Variants in CNGB3 observed in about 807,000 individuals in gnomAD.
The protein encoded by CNGB3 is cyclic nucleotide gated channel subunit beta 3, also known as cyclic nucleotide-gated channel beta-3.
CNGB3 carries 86 observed loss-of-function variants against 92.8 expected under a neutral mutation model. The observed-to-expected ratio is 0.93, with a 90% confidence interval of 0.78 to 1.11. The LOEUF is 1.11. Ranked by LOEUF, CNGB3 falls within the 50% of genes least tolerant of loss-of-function variation. CNGB3 has a pLI of 0.00. For missense variants in CNGB3, 1,026 were observed against 956.8 expected (o/e 1.07, Z -0.95); for synonymous variants, 333 against 332.7 (o/e 1.00, Z -0.01).
In CNGB3 at chr8:86,647,870, T is replaced by C; in HGVS notation, c.921A>G (p.Ile307Met). The change falls in exon 8 of 18, where the codon ATA (isoleucine) becomes ATG (methionine). Residue 307 changes from isoleucine (I) to methionine (M), a missense_variant. Coordinates refer to ENST00000320005, the MANE Select transcript of CNGB3 (RefSeq NM_019098.5). ...STKFQLDVAS[I>M]IPFDICYLFF... ...AGAGGTAGCAAATATCAAATGGTAT[T>C]ATTGATGCGACATCCAACTGTTGAA... The C allele has an allele frequency of 6.3e-7, 1 of 1,595,114 alleles. No individual in the cohort carries two copies. The highest frequency in any genetic ancestry group is 8.6e-7 in the Non-Finnish European group (1 of 1,163,564).
At position 86,578,868 on chromosome 8, in the gene CNGB3, G is replaced by T. The variant is rs1821708860; in HGVS notation, c.1929-5C>A. 1 of 1,614,108 alleles carries T rather than the reference G, an allele frequency of 6.2e-7. No homozygotes were observed. Among genetic ancestry groups the T allele is most frequent in the Non-Finnish European group, 8.5e-7 (1 of 1,180,010 alleles). ...GCCTTCTGCTTTAAAAGCACTCTGT[G>T]GGTAAGAGAGAAAAGCTGTTTTAGG... is the stretch of plus-strand genomic sequence containing the variant. On this transcript the variant is annotated splice_region_variant and splice_polypyrimidine_tract_variant and intron_variant, in intron 16 of 17. Coordinates refer to ENST00000320005, the MANE Select transcript of CNGB3 (RefSeq NM_019098.5).
intron 3 of CNGB3, among the ~76,000 whole-genome samples, chr8:86,688,621 G>T (rs1824235572): frequency 6.6e-6 from 1 of 151,944 alleles, no homozygotes; most frequent in South Asian, 2.1e-4. Context: ...CCTCACAGCA[G>T]CCTTTAATGA....
rs138601461 is a variant in CNGB3, at chr8:86,608,562, A to C, written c.1662+3026T>G. Among the ~76,000 whole-genome samples the C allele has an allele frequency of 5.8e-3, 878 of 152,328 alleles. 6 individuals are homozygous for C. Among genetic ancestry groups the C allele is most frequent in the African/African-American group, 0.02 (820 of 41,582 alleles). On this transcript the variant is annotated intron_variant, in intron 14 of 17. Transcript: ENST00000320005. Reference sequence around the variant, plus strand: ...CTCACCCGCAGTTATCCGGAGGCCTAACCGTCTCCCTGTGATGCTGTGCTT... The same window carrying C: ...CTCACCCGCAGTTATCCGGAGGCCTCACCGTCTCCCTGTGATGCTGTGCTT...
intron 3 of CNGB3, among the ~76,000 whole-genome samples, chr8:86,695,239 T>G (rs1279486857): frequency 6.6e-6 from 1 of 152,146 alleles, no homozygotes; most frequent in East Asian, 1.9e-4. Flanking sequence ...TGAGCCGAGA[T>G]GGCAGCAGTA....
At chr8:86,598,460 C>A (rs926672589) in intron 15 of CNGB3, among the ~76,000 whole-genome samples, 32 of 152,138 alleles carry the variant, frequency 2.1e-4, no homozygotes, top group Non-Finnish European at 1.6e-4. Context: ...TGAAAGTGAA[C>A]AATTTAAATA....
intron 6 of CNGB3, among the ~76,000 whole-genome samples, chr8:86,654,749 T>A (rs1823470690): frequency 6.6e-6 from 1 of 152,224 alleles, no homozygotes; most frequent in Non-Finnish European, 1.5e-5. Flanking sequence ...AGTTTACTTA[T>A]ATCTTCACTT....
chr8:86,661,495 G>C, intron 6 of CNGB3: 2 of 633,118 alleles, frequency 3.2e-6, no homozygotes, highest in Non-Finnish European at 6.1e-6. Context: ...TCTGAAACTT[G>C]CACTGACCCA....
chr8:86,661,906 A>G (rs1006714752), intron 6 of CNGB3: 3 of 803,490 alleles, frequency 3.7e-6, no homozygotes, highest in African/African-American at 1.7e-5. Context: ...GGTGAAAAAG[A>G]TGGATAGGAT....
chr8:86,695,270 A>G (rs1191978349), intron 3 of CNGB3, among the ~76,000 whole-genome samples: 1 of 152,166 alleles, frequency 6.6e-6, no homozygotes, highest in Non-Finnish European at 1.5e-5. Context: ...TCGGCTCGGC[A>G]TCAGAGGGAG....
intron 3 of CNGB3, chr8:86,707,624 T>C (rs1167163100): frequency 6.6e-6 from 1 of 152,356 alleles, no homozygotes; most frequent in East Asian, 1.9e-4. Flanking sequence ...CTTCAGCTTT[T>C]ACCTCGGCAT....
intron 7 of CNGB3, among the ~76,000 whole-genome samples, chr8:86,653,590 T>A (rs958539352): frequency 2.0e-5 from 3 of 152,174 alleles, no homozygotes; most frequent in Admixed American, 6.5e-5. Context: ...TTCCATGTTA[T>A]CTAAACAATT....
intron 3 of CNGB3, among the ~76,000 whole-genome samples, chr8:86,703,361 G>A (rs1277046695): frequency 6.6e-6 from 1 of 152,168 alleles, no homozygotes; most frequent in Non-Finnish European, 1.5e-5. Flanking sequence ...GTGGGAGGAG[G>A]AGAGGAAAAT....
Position 86,643,747 on chromosome 8 carries a change from T to C in CNGB3, c.1178+4A>G, listed in dbSNP as rs1823236488. The C allele has an allele frequency of 5.0e-6, 8 of 1,604,878 alleles. No homozygotes were observed. The Admixed American group carries it at 1.3e-4, about 27-fold the overall frequency. ...TAAAGGTTTCTTTCAAAATCAGAAC[T>C]TACTCGTTTCCTTCCCCATCATACA... is the stretch of plus-strand genomic sequence containing the variant. On this transcript the variant is annotated splice_donor_region_variant and intron_variant, in intron 10 of 17. Transcript: ENST00000320005.
In CNGB3 at chr8:86,629,077, A is replaced by C; in HGVS notation, c.1322T>G (p.Met441Arg). The change falls in exon 12 of 18, where the codon ATG becomes AGG. Residue 441 changes from methionine to arginine, a missense_variant and splice_region_variant. Physicochemically the swap from Met to Arg is moderately conservative, Grantham distance 91 (BLOSUM62 -1). Transcript: ENST00000320005. The part of the protein sequence containing the change: ...VFVFSSLIGQ[M>R]RDVIGAATAN... ...TGTAGCTGCTCCAATCACATCTCTCATCTAAAACCACAAATATGGTCACTC... is the reference window on the plus strand; with the variant it reads ...TGTAGCTGCTCCAATCACATCTCTCCTCTAAAACCACAAATATGGTCACTC... 6.2e-7 allele frequency: 1 copy of C among 1,614,004 alleles called. No homozygotes were observed. The highest frequency in any genetic ancestry group is 1.1e-5 in the South Asian group (1 of 91,082).
intron 6 of CNGB3, chr8:86,659,456 A>T (rs1174408710): frequency 3.2e-6 from 2 of 627,728 alleles, no homozygotes; most frequent in African/African-American, 3.7e-5. Context: ...CTTCTCTGTC[A>T]CTAGGACTCA....
chr8:86,721,526 AC>A (rs1445329370), intron 3 of CNGB3, among the ~76,000 whole-genome samples: 3 of 152,052 alleles, frequency 2.0e-5, no homozygotes, highest in African/African-American at 4.8e-5. Flanking sequence ...ACCAAACACC[AC>A]CTGTTCCCCA....
intron 3 of CNGB3, among the ~76,000 whole-genome samples, chr8:86,674,191 A>T (rs115208767): frequency 0.021 from 3,260 of 152,314 alleles, 120 homozygotes; most frequent in African/African-American, 0.075. Flanking sequence ...CAAACTCTCC[A>T]GTGTCCCAAG....
At chr8:86,657,549 C>T (rs1017474073) in intron 6 of CNGB3, 7 of 476,330 alleles carry the variant, frequency 1.5e-5, no homozygotes, top group African/African-American at 6.1e-5. Context: ...CTGGCCTCTT[C>T]TTGTGCAGGC....
chr8:86,606,023 T>C (rs1585965219), intron 14 of CNGB3, among the ~76,000 whole-genome samples: 1 of 152,188 alleles, frequency 6.6e-6, no homozygotes, highest in South Asian at 2.1e-4. Context: ...GCTAAAGTTA[T>C]ATGACTCGGT....
Sources: allele counts gnomAD v4.1 joint callset (sites outside exome capture counted in the v4.1 genomes callset), GRCh38; gene constraint gnomAD v4.1.1; transcripts MANE v1.5; gene names NCBI Gene and HGNC (gene_info 2026-07-23, HGNC 2026-07-21).